Variants in ATP2B3 observed in about 807,000 individuals in gnomAD.
The protein encoded by ATP2B3 is plasma membrane calcium-transporting ATPase 3.
A neutral mutation model predicts 70.8 loss-of-function variants in ATP2B3; 12 were observed. The ratio of observed to expected loss-of-function variants is 0.17; its 90% CI spans 0.11 to 0.27. ATP2B3 has a LOEUF of 0.27. ATP2B3 is among the 10% of genes least tolerant of loss of function. The probability of loss-of-function intolerance (pLI) is 1.00; values close to 1 mark genes in which losing one functional copy is unlikely to be tolerated. For missense variants in ATP2B3, 858 were observed against 1,118.5 expected (o/e 0.77, Z 3.32); for synonymous variants, 460 against 497.8 (o/e 0.92, Z 1.01).
chrX:153,552,988 T>G, intron 12 of ATP2B3, 47 bp from the exon 13 acceptor site: 1 of 1,099,515 alleles, frequency 9.1e-7, no homozygotes, highest in Non-Finnish European at 1.2e-6. Flanking sequence ...CTGTTCCTTG[T>G]TGTTCTCTCC....
intron 16 of ATP2B3, 46 bp downstream of exon 16, chrX:153,557,069 T>A: frequency 9.3e-7 from 1 of 1,078,305 alleles, no homozygotes; most frequent in Non-Finnish European, 1.3e-6. Flanking sequence ...AGATGGGGCC[T>A]GCATCTGTCC....
chrX:153,525,775 T>A (rs1556999555), intron 2 of ATP2B3, among the ~76,000 whole-genome samples: 1 of 113,008 alleles, frequency 8.8e-6, no homozygotes, highest in African/African-American at 3.2e-5. Flanking sequence ...CTCTCCCTCC[T>A]GGCCTGTGGT....
Position 153,523,850 on chromosome X carries a change from C to A in ATP2B3, c.-127+5299C>A, listed in dbSNP as rs59502984. 8.9e-3 allele frequency among the ~76,000 whole-genome samples: 981 copies of A among 109,707 alleles called. 12 individuals are homozygous for A. The highest frequency in any genetic ancestry group is 0.031 in the African/African-American group (941 of 30,059). On this transcript the variant is annotated intron_variant, in intron 2 of 21. Coordinates refer to ENST00000263519, the MANE Select transcript of ATP2B3 (RefSeq NM_001001344.3). ...AGCTGGGATTACAGGGGCCCGCCACCACACCCGGCTAATTTTTGTATTTTT... is the reference window on the plus strand; with the variant it reads ...AGCTGGGATTACAGGGGCCCGCCACAACACCCGGCTAATTTTTGTATTTTT...
chrX:153,556,917 G>A lies in ATP2B3; in HGVS notation c.2327G>A (p.Gly776Glu). The A allele has an allele frequency of 8.4e-7, 1 of 1,186,417 alleles. No homozygotes were observed. Among genetic ancestry groups the A allele is most frequent in the Non-Finnish European group, 1.1e-6 (1 of 882,180 alleles). ...TGCCCTGCCCTGATCTGTCTTCCAG[G>A]GATTATCGACAGCACCACTGGTGAG... ...SPTDKHTLVK[G>E]IIDSTTGEQR... The change falls in exon 16 of 22, where the codon GGG becomes GAG. Residue 776 changes from glycine to glutamate, a missense_variant and splice_region_variant. Coordinates refer to ENST00000263519, the MANE Select transcript of ATP2B3 (RefSeq NM_001001344.3).
chrX:153,519,758 C>T (rs1327036767), intron 2 of ATP2B3, among the ~76,000 whole-genome samples: 1 of 112,544 alleles, frequency 8.9e-6, no homozygotes, highest in Non-Finnish European at 1.9e-5. Flanking sequence ...CCTGCACGGC[C>T]AGGTGGTTTG....
intron 2 of ATP2B3, among the ~76,000 whole-genome samples, chrX:153,527,863 G>T (rs1446090220): frequency 8.9e-6 from 1 of 112,697 alleles, no homozygotes; most frequent in Non-Finnish European, 1.9e-5. Flanking sequence ...GGCGGGAGGG[G>T]CTGACTCAGC....
chrX:153,546,196 A>G (rs901846817), intron 8 of ATP2B3, 67 bp downstream of exon 8: 206 of 1,166,626 alleles, frequency 1.8e-4, no homozygotes, highest in Non-Finnish European at 2.3e-4. Context: ...TGGAGGGCAC[A>G]GTGTTGGGGG....
chrX:153,520,387 C>T (rs1304073528), intron 2 of ATP2B3, among the ~76,000 whole-genome samples: 3 of 112,364 alleles, frequency 2.7e-5, no homozygotes, highest in Non-Finnish European at 3.8e-5. Flanking sequence ...GGCCTTTTCA[C>T]CTCCTCCCCC....
chrX:153,530,626 A>G (rs1269468115), intron 2 of ATP2B3, among the ~76,000 whole-genome samples: 1 of 111,174 alleles, frequency 9.0e-6, no homozygotes, highest in Admixed American at 9.4e-5. Context: ...TGGGTCCCCA[A>G]GGTGGCCCCT....
At chrX:153,571,762 G>A (rs1165293389) in intron 21 of ATP2B3, among the ~76,000 whole-genome samples, 11 of 112,745 alleles carry the variant, frequency 9.8e-5, no homozygotes, top group African/African-American at 3.5e-4. Flanking sequence ...CCTAAGTGGC[G>A]GATAGCCAGA....
intron 16 of ATP2B3, among the ~76,000 whole-genome samples, 188 bp from the exon 17 acceptor site, chrX:153,557,924 G>C (rs782615768): frequency 9.4e-6 from 1 of 106,812 alleles, no homozygotes; most frequent in South Asian, 4.5e-4. Context: ...ACTGTTTGTA[G>C]TACAAGAATG....
At chrX:153,542,258 G>A in intron 5 of ATP2B3, 65 bp from the exon 6 acceptor site, 10 of 1,193,622 alleles carry the variant, frequency 8.4e-6, no homozygotes, top group Non-Finnish European at 1.1e-5. Flanking sequence ...CACCTGACGG[G>A]ACCTCCCCTG....
intron 21 of ATP2B3, chrX:153,574,639 A>C: frequency 3.8e-6 from 1 of 261,571 alleles, no homozygotes. Flanking sequence ...CTTTGCTTTG[A>C]TTGTTCTCTT....
At chrX:153,526,759 G>C (rs2090039583) in intron 2 of ATP2B3, among the ~76,000 whole-genome samples, 1 of 111,676 alleles carries the variant, frequency 9.0e-6, no homozygotes, top group Admixed American at 9.4e-5. Flanking sequence ...CGTTCCTTGG[G>C]TCTAGATCAC....
intron 18 of ATP2B3, among the ~76,000 whole-genome samples, chrX:153,560,402 G>A (rs782192805): frequency 1.8e-4 from 20 of 111,667 alleles, no homozygotes; most frequent in African/African-American, 6.5e-4. Context: ...GGAGGAGGGC[G>A]TCCGAGGAAA....
At chrX:153,560,594 A>G (rs2090610003) in intron 18 of ATP2B3, 82 bp from the exon 19 acceptor site, 5 of 1,043,406 alleles carry the variant, frequency 4.8e-6, no homozygotes, top group African/African-American at 1.9e-5. Context: ...CCATCTCGGG[A>G]GCTACACACC....
chrX:153,575,644 G>C (rs1352202770), intron 21 of ATP2B3, among the ~76,000 whole-genome samples: 1 of 111,784 alleles, frequency 8.9e-6, no homozygotes, highest in Non-Finnish European at 1.9e-5. Flanking sequence ...CCACGGGGCT[G>C]GGGCCGGGGG....
At chrX:153,569,886 C>A in intron 21 of ATP2B3, 1 of 758,561 alleles carries the variant, frequency 1.3e-6, no homozygotes, top group Non-Finnish European at 1.9e-6. Context: ...TTCTTTACCG[C>A]CCTGTCCAGT....
Position 153,582,838 on chromosome X carries a change from A to T in ATP2B3, c.*2540A>T, listed in dbSNP as rs1344376742. ...TTAATGAGAAAGATCACAGATACGT[A>T]ATAATTTAAAGTCTGTAGTTGAATT... On this transcript the variant is annotated 3_prime_UTR_variant, in exon 22 of 22. Transcript: ENST00000263519. The T allele has an allele frequency of 8.9e-6, 1 of 112,953 alleles. No individual in the cohort carries two copies. The highest frequency in any genetic ancestry group is 1.9e-5 in the Non-Finnish European group (1 of 53,340). 9.3% of individuals were successfully genotyped at this position (112,953 alleles called of 1,213,427 possible). A position where few individuals can be genotyped will look rare whatever the true frequency, so the allele number is the denominator to read the frequency against.
Sources: gnomAD v4.1 joint callset for allele counts (sites outside exome capture counted in the v4.1 genomes callset) on GRCh38, gnomAD v4.1.1 for gene constraint, MANE v1.5 for transcripts, NCBI Gene and HGNC (gene_info 2026-07-23, HGNC 2026-07-21) for gene names.